Variants in IKBKB-DT observed in about 807,000 individuals in gnomAD.
IKBKB-DT encodes the protein IKBKB antisense RNA.
At chr8:42,252,218 A>ACTATGC (rs1807138681) in intron 3 of IKBKB-DT, among the ~76,000 whole-genome samples, 1 of 152,234 alleles carries the variant, frequency 6.6e-6, no homozygotes, top group South Asian at 2.1e-4. Flanking sequence ...CGCACTATGC[A>ACTATGC]AACGGCACAC....
intron 3 of IKBKB-DT, among the ~76,000 whole-genome samples, chr8:42,258,079 C>T (rs1807231266): frequency 6.6e-6 from 1 of 151,988 alleles, no homozygotes; most frequent in Admixed American, 6.6e-5. Flanking sequence ...AGATTTCCTA[C>T]ACAGATTACA....
chr8:42,257,359 G>T (rs1380460777), intron 3 of IKBKB-DT, among the ~76,000 whole-genome samples: 1 of 151,994 alleles, frequency 6.6e-6, no homozygotes, highest in Non-Finnish European at 1.5e-5. Flanking sequence ...AAAATTAGCT[G>T]GGTGTGGTGG....
At chr8:42,245,661 C>A (rs1807053924) in intron 3 of IKBKB-DT, among the ~76,000 whole-genome samples, 1 of 152,196 alleles carries the variant, frequency 6.6e-6, no homozygotes, top group Non-Finnish European at 1.5e-5. Flanking sequence ...ATTATAGAAT[C>A]AAGTACTCTA....
At chr8:42,259,129 G>A (rs1363843064) in intron 3 of IKBKB-DT, among the ~76,000 whole-genome samples, 1 of 151,466 alleles carries the variant, frequency 6.6e-6, no homozygotes, top group African/African-American at 2.4e-5. Context: ...GGGTTCAAGC[G>A]ATTCTCCTGC....
At chr8:42,259,981 C>CAA (rs111459897) in intron 3 of IKBKB-DT, among the ~76,000 whole-genome samples, 1,410 of 63,372 alleles carry the variant, frequency 0.022, 45 homozygotes, top group African/African-American at 0.063. Flanking sequence ...GACTCCGTCT[C>CAA]AAAAAAAAAA....
intron 3 of IKBKB-DT, among the ~76,000 whole-genome samples, chr8:42,248,053 G>A (rs58170267): frequency 0.038 from 5,679 of 149,970 alleles, 360 homozygotes; most frequent in African/African-American, 0.13. Flanking sequence ...AGATCTCACC[G>A]CTACACTCCA....
At chr8:42,269,941 T>G (rs1196345202) in intron 1 of IKBKB-DT, among the ~76,000 whole-genome samples, 1 of 152,170 alleles carries the variant, frequency 6.6e-6, no homozygotes, top group East Asian at 1.9e-4. Flanking sequence ...TGTTTTCAAT[T>G]TCCAAAAAAT....
At chr8:42,241,014 A>T (rs1253953070) in intron 3 of IKBKB-DT, among the ~76,000 whole-genome samples, 5 of 152,108 alleles carry the variant, frequency 3.3e-5, no homozygotes, top group Non-Finnish European at 7.4e-5. Context: ...CGACAAAATG[A>T]ATTTTTTCTT....
chr8:42,258,529 C>T (rs1040509985), intron 3 of IKBKB-DT, among the ~76,000 whole-genome samples: 21 of 150,992 alleles, frequency 1.4e-4, no homozygotes, highest in African/African-American at 1.9e-4. Context: ...AGTGCAGTGG[C>T]GCGATCTCTG....
chr8:42,244,497 T>G (rs1807038903), intron 3 of IKBKB-DT, among the ~76,000 whole-genome samples: 1 of 152,192 alleles, frequency 6.6e-6, no homozygotes, highest in Non-Finnish European at 1.5e-5. Context: ...CTTCTTTTAA[T>G]CTTCCTTAAG....
intron 3 of IKBKB-DT, among the ~76,000 whole-genome samples, chr8:42,248,359 C>A (rs1169221799): frequency 6.6e-6 from 1 of 151,944 alleles, no homozygotes; most frequent in Non-Finnish European, 1.5e-5. Context: ...TTTGGAGACC[C>A]CTGTCTTAGA....
At chr8:42,244,342 C>T (rs1807037182) in intron 3 of IKBKB-DT, among the ~76,000 whole-genome samples, 2 of 152,152 alleles carry the variant, frequency 1.3e-5, no homozygotes, top group African/African-American at 2.4e-5. Flanking sequence ...CATTCCGTTT[C>T]CCCTTTAGAA....
At chr8:42,261,559 T>C (rs1585468427) in intron 3 of IKBKB-DT, among the ~76,000 whole-genome samples, 1 of 152,206 alleles carries the variant, frequency 6.6e-6, no homozygotes, top group African/African-American at 2.4e-5. Flanking sequence ...ATGTTATTCA[T>C]AAAAATAACC....
At chr8:42,261,589 A>G (rs2065737077) in intron 3 of IKBKB-DT, among the ~76,000 whole-genome samples, 1 of 152,214 alleles carries the variant, frequency 6.6e-6, no homozygotes, top group African/African-American at 2.4e-5. Flanking sequence ...TCTGTAAACC[A>G]ATGTGAATTC....
intron 3 of IKBKB-DT, among the ~76,000 whole-genome samples, chr8:42,248,250 C>T (rs918418141): frequency 6.6e-6 from 1 of 152,024 alleles, no homozygotes; most frequent in South Asian, 2.1e-4. Context: ...TGAAAACGGA[C>T]TAATATAGGT....
intron 3 of IKBKB-DT, among the ~76,000 whole-genome samples, chr8:42,237,089 T>TTG (rs1554502433): frequency 0.046 from 7,000 of 151,236 alleles, 554 homozygotes; most frequent in African/African-American, 0.16. Context: ...AGTTTTTTTT[T>TTG]TTTGTTTGTT....
At chr8:42,239,287 G>A (rs969030390) in intron 3 of IKBKB-DT, among the ~76,000 whole-genome samples, 29 of 151,846 alleles carry the variant, frequency 1.9e-4, no homozygotes, top group Non-Finnish European at 3.4e-4. Context: ...GACCATCCTC[G>A]AAGCCCAACA....
At chr8:42,262,614 T>A (rs1483068266) in intron 3 of IKBKB-DT, among the ~76,000 whole-genome samples, 5 of 150,578 alleles carry the variant, frequency 3.3e-5, no homozygotes, top group Non-Finnish European at 7.4e-5. Context: ...TAATTTTTTT[T>A]ATTTTTAGTA....
rs752779772 is a variant in IKBKB-DT, at chr8:42,246,457, A to G, written n.1530-12598T>C. Among the ~76,000 whole-genome samples, 56 of 152,288 alleles carry G rather than the reference A, an allele frequency of 3.7e-4. 1 individual carries two copies. The highest frequency in any genetic ancestry group is 3.4e-3 in the Middle Eastern group (1 of 294). ...ATTGCTCTGGTTCCCTTCTCCCCAA[A>G]ATACATTGTTTTGCACTTTAAAAAT... On this transcript the variant is annotated intron_variant and non_coding_transcript_variant, in intron 3 of 3. Transcript: ENST00000518213.
Sources: gnomAD v4.1 joint callset for allele counts (sites outside exome capture counted in the v4.1 genomes callset) on GRCh38, gnomAD v4.1.1 for gene constraint, MANE v1.5 for transcripts, NCBI Gene and HGNC (gene_info 2026-07-23, HGNC 2026-07-21) for gene names.